NIN: variants seen among roughly 807,000 people sequenced by gnomAD.
NIN encodes ninein.
A neutral mutation model predicts 257.6 loss-of-function variants in NIN; 137 were observed. The observed-to-expected ratio is 0.53, with a 90% CI of 0.46 to 0.61. NIN has a LOEUF of 0.61. Among genes scored for constraint, NIN ranks in the 20% least tolerant of loss-of-function variants. NIN has a pLI of 0.00. For synonymous variants in NIN, 918 were observed against 919.8 expected, an observed-to-expected ratio of 1.00 and a Z score of 0.04; for missense variants, 2,439 against 2,501.2, an observed-to-expected ratio of 0.98 and a Z score of 0.53.
intron 28 of NIN, among the ~76,000 whole-genome samples, chr14:50,731,490 C>CACTTTTT (rs2040695511): frequency 7.0e-6 from 1 of 142,932 alleles, no homozygotes; most frequent in Non-Finnish European, 1.5e-5. Context: ...AAGATCACAC[C>CACTTTTT]AATGCACTCC....
At chr14:50,729,261 T>G (rs1244783152) in intron 29 of NIN, among the ~76,000 whole-genome samples, 1 of 140,098 alleles carries the variant, frequency 7.1e-6, no homozygotes, top group Non-Finnish European at 1.6e-5. Context: ...TTTTGTTTTT[T>G]TTTTTTTTAA....
chr14:50,748,069 A>G lies in NIN; in HGVS notation c.4987T>C (p.Ser1663Pro), dbSNP rs1212005983. The G allele has an allele frequency of 6.2e-7, 1 of 1,613,936 alleles. No homozygotes were observed. The highest frequency in any genetic ancestry group is 8.5e-7 in the Non-Finnish European group (1 of 1,179,906). The change falls in exon 22 of 31, where the codon TCT becomes CCT. Residue 1663 changes from serine (S) to proline (P), a missense_variant. Physicochemically the swap from Ser to Pro is moderately conservative, Grantham distance 74. This residue lies in a region of NIN where 2,043 missense variants were observed against 2,050.2 expected (regional missense o/e 1.00). Transcript: ENST00000530997. ...ATATGGGTCTGTATTTTAACTTCAGAGAGCTCCGCCTCCAGAGAAGACACT... is the reference window on the plus strand; with the variant it reads ...ATATGGGTCTGTATTTTAACTTCAGGGAGCTCCGCCTCCAGAGAAGACACT... ...TLVSSLEAEL[S>P]EVKIQTHIVQ...
chr14:50,777,411 GT>G (rs1343052141), intron 6 of NIN, among the ~76,000 whole-genome samples: 2 of 152,134 alleles, frequency 1.3e-5, no homozygotes, highest in Admixed American at 1.3e-4. Flanking sequence ...TTCTAGGCTT[GT>G]TTTATTTCAG....
chr14:50,749,164 G>T (rs933703278), intron 21 of NIN, among the ~76,000 whole-genome samples: 1 of 151,886 alleles, frequency 6.6e-6, no homozygotes, highest in African/African-American at 2.4e-5. Context: ...CTACACATCT[G>T]CAACCATCTG....
At chr14:50,790,531 C>G (rs1595876458) in intron 5 of NIN, among the ~76,000 whole-genome samples, 2 of 152,108 alleles carry the variant, frequency 1.3e-5, no homozygotes, top group East Asian at 3.9e-4. Flanking sequence ...AGGCATTGCT[C>G]TGGTGTGGGA....
At chr14:50,820,602 G>A (rs1277003543) in intron 3 of NIN, among the ~76,000 whole-genome samples, 1 of 152,170 alleles carries the variant, frequency 6.6e-6, no homozygotes, top group Non-Finnish European at 1.5e-5. Flanking sequence ...GTGAGTGCAT[G>A]AGGAGCAAAT....
chr14:50,804,906 G>GT (rs2044254090), intron 4 of NIN, among the ~76,000 whole-genome samples: 1 of 152,208 alleles, frequency 6.6e-6, no homozygotes, highest in Non-Finnish European at 1.5e-5. Context: ...GCAGCCCATG[G>GT]GCCGTGGGTT....
intron 22 of NIN, among the ~76,000 whole-genome samples, chr14:50,746,034 T>A (rs1274176532): frequency 5.2e-5 from 7 of 135,432 alleles, no homozygotes; most frequent in South Asian, 4.7e-4. Context: ...AATGCTTGTT[T>A]AAAAAAAAAA....
intron 29 of NIN, chr14:50,727,234 A>G (rs1566772533): frequency 3.2e-6 from 3 of 941,804 alleles, no homozygotes; most frequent in East Asian, 7.7e-5. Flanking sequence ...AGGCAGTCAT[A>G]TACTTAAAAT....
At chr14:50,800,548 C>T (rs1206520334) in intron 4 of NIN, among the ~76,000 whole-genome samples, 1 of 152,108 alleles carries the variant, frequency 6.6e-6, no homozygotes, top group Admixed American at 6.5e-5. Flanking sequence ...TTTTTATGTA[C>T]ATCTATAATT....
rs559398704 is a variant in NIN, at chr14:50,821,860, T to C, written c.183+14A>G. 6.2e-7 allele frequency: 1 copy of C among 1,607,968 alleles called. No individual in the cohort carries two copies. The highest frequency in any genetic ancestry group is 1.1e-5 in the South Asian group (1 of 90,324). On this transcript the variant is annotated intron_variant, in intron 3 of 30. Transcript: ENST00000530997. ...ACCCCACTTCCCATAGCCACGTTCT[T>C]CCCCAGACCTTACCCTGCCCAAGAG...
Position 50,760,018 on chromosome 14 carries a change from C to G in NIN, c.2238G>C (p.Gln746His), listed in dbSNP as rs533053651. 1.5e-4 allele frequency: 240 copies of G among 1,614,122 alleles called. No individual in the cohort carries two copies. The highest frequency in any genetic ancestry group is 1.9e-4 in the Non-Finnish European group (230 of 1,180,052). ...ASFEREREGL[Q>H]SSAWTEEKVR... is the part of the protein sequence containing the mutation. ...CCTTCTCTTCTGTCCAGGCGCTACT[C>G]TGAAGGCCTTCCCTCTCCCGCTCAA... is the stretch of plus-strand genomic sequence containing the variant. Residue 746 changes from glutamine to histidine, a missense_variant, in exon 17 of 31, where the codon CAG becomes CAC. Transcript: ENST00000530997.
rs1304346351 is a variant in NIN at position 50,758,585 on chromosome 14, T to C, written c.2445A>G (p.Glu815=). The C allele has an allele frequency of 6.2e-7, 1 of 1,602,248 alleles. No individual in the cohort carries two copies. Among genetic ancestry groups the C allele is most frequent in the Non-Finnish European group, 8.5e-7 (1 of 1,175,546 alleles). ...TCTGACAATCAGACTGAAACTGGGC[T>C]TCTATTTGAGAGGTTCTTCTATTAC... is the stretch of plus-strand genomic sequence containing the variant. ...TECNRRTSQI[E]AQFQSDCQKV... Residue 815 remains glutamate (E), a synonymous_variant, in exon 18 of 31, where the codon GAA becomes GAG. Coordinates refer to ENST00000530997, the MANE Select transcript of NIN (RefSeq NM_020921.4).
Position 50,739,307 on chromosome 14 carries a change from C to A in NIN, c.5628+1G>T. 6.2e-7 allele frequency: 1 copy of A among 1,613,254 alleles called. No homozygotes were observed. Among genetic ancestry groups the A allele is most frequent in the Non-Finnish European group, 8.5e-7 (1 of 1,179,624 alleles). ...CCATGATGTGCAGCTTCTCCAATTA[C>A]CTTCTCCCGGGAGTGCGTGAGTTCG... On this transcript the variant is annotated splice_donor_variant, in intron 26 of 30. Coordinates refer to ENST00000530997, the MANE Select transcript of NIN (RefSeq NM_020921.4). LOFTEE classifies it high-confidence loss of function.
At chr14:50,775,193 A>C (rs189603157) in intron 7 of NIN, among the ~76,000 whole-genome samples, 1 of 152,184 alleles carries the variant, frequency 6.6e-6, no homozygotes, top group East Asian at 1.9e-4. Flanking sequence ...GTTTTAGAAA[A>C]ATCTCCTGAT....
At position 50,773,093 on chromosome 14, in the gene NIN, C is replaced by T; in HGVS notation, c.669G>A (p.Met223Ile). ...CAAGATTATGGAATACTTCCTCGAG[C>T]ATCTAGAAAAGAGTCATCACATATT... ...QYGLQNVDGE[M>I]LEEVFHNLDP... The change falls in exon 8 of 31, where the codon ATG becomes ATA. Residue 223 changes from methionine (M) to isoleucine (I), a missense_variant and splice_region_variant. By Grantham distance (10) the Met-to-Ile change is conservative. This residue lies in a region of NIN where 387 missense variants were observed against 427.3 expected (regional missense o/e 0.91). Transcript: ENST00000530997. The T allele has an allele frequency of 1.2e-6, 2 of 1,609,904 alleles. No homozygotes were observed. Among genetic ancestry groups the T allele is most frequent in the South Asian group, 1.1e-5 (1 of 90,330 alleles).
intron 17 of NIN, among the ~76,000 whole-genome samples, chr14:50,758,840 G>C (rs2042151902): frequency 6.6e-6 from 1 of 152,122 alleles, no homozygotes; most frequent in Admixed American, 6.5e-5. Flanking sequence ...TCATTTAAAA[G>C]ACTTACCTCT....
rs764418118 is a variant in NIN, at chr14:50,777,025, G to A, written c.590C>T (p.Thr197Ile). Residue 197 changes from threonine to isoleucine, a missense_variant, in exon 7 of 31, where the codon ACC becomes ATC. Physicochemically the swap from Thr to Ile is moderately conservative, Grantham distance 89. Coordinates refer to ENST00000530997, the MANE Select transcript of NIN (RefSeq NM_020921.4). Reference protein sequence around the residue: ...LQEVCEDLGITRDGHLNRKKL... With the variant: ...LQEVCEDLGIIRDGHLNRKKL... ...CTTCCGGTTCAGGTGACCATCACGG[G>A]TGATCCCCAAATCTTCACAAACTTC... is the stretch of plus-strand genomic sequence containing the variant. 21 of 1,614,096 alleles carry A rather than the reference G, an allele frequency of 1.3e-5. 1 individual carries two copies. In the South Asian group the frequency reaches 2.1e-4, roughly 16 times the overall value.
At chr14:50,804,663 C>G (rs1595902935) in intron 4 of NIN, among the ~76,000 whole-genome samples, 1 of 152,272 alleles carries the variant, frequency 6.6e-6, no homozygotes. Flanking sequence ...TACTTCCTGG[C>G]TGGGACCAAG....
Sources: allele counts gnomAD v4.1 joint callset (sites outside exome capture counted in the v4.1 genomes callset), GRCh38; gene constraint gnomAD v4.1.1; regional missense constraint gnomAD v4.1.1; transcripts MANE v1.5; gene names NCBI Gene and HGNC (gene_info 2026-07-23, HGNC 2026-07-21).